C12orf42: variants seen among roughly 807,000 people sequenced by gnomAD.
C12orf42 encodes the protein uncharacterized protein C12orf42.
In C12orf42, 25 loss-of-function variants were observed where a neutral mutation model predicts 21.6. The observed-to-expected ratio is 1.16, with a 90% CI of 0.84 to 1.62. The LOEUF (loss-of-function observed/expected upper bound fraction) is 1.62, where lower values mean the gene tolerates loss of function less well. Among genes scored for constraint, C12orf42 ranks in the 40% most tolerant of loss-of-function variants. The pLI, the probability that C12orf42 is intolerant of heterozygous loss-of-function variation, is 0.00. For missense variants in C12orf42, 483 were observed against 459.3 expected (o/e 1.05, Z -0.47); for synonymous variants, 174 against 175.0 (o/e 0.99, Z 0.05).
chr12:103,215,483 A>G, the C12orf42 span, among the ~76,000 whole-genome samples: 1 of 152,180 alleles, frequency 6.6e-6, no homozygotes, highest in African/African-American at 2.4e-5. Flanking sequence ...CAGAGAAGGA[A>G]TGAGTAACCT....
chr12:103,067,181 C>T, the C12orf42 span, among the ~76,000 whole-genome samples: 89 of 152,318 alleles, frequency 5.8e-4, 1 homozygote, highest in Non-Finnish European at 2.1e-4. Flanking sequence ...TTTGTCCTCA[C>T]TGGAATAGAC....
chr12:103,333,049 T>TA (rs903799870), intron 4 of C12orf42, among the ~76,000 whole-genome samples: 10 of 151,952 alleles, frequency 6.6e-5, no homozygotes, highest in East Asian at 3.9e-4. Flanking sequence ...ATCAGGCCTT[T>TA]AAAAAAAATG....
chr12:103,541,091 A>G, the C12orf42 span, among the ~76,000 whole-genome samples: 4 of 152,142 alleles, frequency 2.6e-5, no homozygotes, highest in East Asian at 7.7e-4. Context: ...TTTAGTAGAG[A>G]TGGAGTTTCA....
At chr12:103,121,549 A>G in the C12orf42 span, among the ~76,000 whole-genome samples, 1 of 152,248 alleles carries the variant, frequency 6.6e-6, no homozygotes, top group Non-Finnish European at 1.5e-5. Flanking sequence ...GACAGCATGC[A>G]GAGAAGAGAG....
chr12:103,385,109 C>A (rs369204180), intron 3 of C12orf42, among the ~76,000 whole-genome samples: 1 of 152,126 alleles, frequency 6.6e-6, no homozygotes, highest in Non-Finnish European at 1.5e-5. Flanking sequence ...AACCCAGAGA[C>A]GGTTTGAAAC....
chr12:103,503,966 C>G, the C12orf42 span: 6 of 154,794 alleles, frequency 3.9e-5, no homozygotes, highest in Admixed American at 2.6e-4. Flanking sequence ...TGCGCCCTAT[C>G]TACACCTACA....
the C12orf42 span, among the ~76,000 whole-genome samples, chr12:103,203,724 C>T: frequency 6.0e-4 from 91 of 152,176 alleles, 1 homozygote; most frequent in East Asian, 0.014. Flanking sequence ...CTAAATAGTA[C>T]CAAGTATCTA....
intron 4 of C12orf42, among the ~76,000 whole-genome samples, chr12:103,279,910 T>C (rs2036000782): frequency 6.6e-6 from 1 of 152,238 alleles, no homozygotes; most frequent in African/African-American, 2.4e-5. Context: ...GCTAATAACA[T>C]GGGAACTAAG....
At chr12:103,382,399 G>A (rs1215371946) in intron 3 of C12orf42, among the ~76,000 whole-genome samples, 1 of 152,240 alleles carries the variant, frequency 6.6e-6, no homozygotes, top group African/African-American at 2.4e-5. Flanking sequence ...TAAGGCAATA[G>A]TAGCAGAAGA....
At chr12:103,373,928 A>T (rs547629829) in intron 3 of C12orf42, among the ~76,000 whole-genome samples, 1 of 152,360 alleles carries the variant, frequency 6.6e-6, no homozygotes, top group East Asian at 1.9e-4. Flanking sequence ...ATGGAGCATT[A>T]TCAATTTGAT....
At chr12:103,136,898 A>G in the C12orf42 span, among the ~76,000 whole-genome samples, 1 of 152,208 alleles carries the variant, frequency 6.6e-6, no homozygotes, top group Non-Finnish European at 1.5e-5. Flanking sequence ...TAGATTAAAG[A>G]CTTAATTGTA....
the C12orf42 span, among the ~76,000 whole-genome samples, chr12:103,113,555 T>C: frequency 6.6e-6 from 1 of 152,166 alleles, no homozygotes; most frequent in Non-Finnish European, 1.5e-5. Flanking sequence ...TGGAGACATT[T>C]TGGGTTGTTA....
chr12:103,429,075 C>T (rs1566309563), intron 2 of C12orf42, among the ~76,000 whole-genome samples: 1 of 152,206 alleles, frequency 6.6e-6, no homozygotes, highest in Non-Finnish European at 1.5e-5. Flanking sequence ...AGGATGCCTT[C>T]TCTCACCATT....
At chr12:103,245,412 T>C (rs556089313) in intron 10 of C12orf42, among the ~76,000 whole-genome samples, 7 of 152,114 alleles carry the variant, frequency 4.6e-5, no homozygotes, top group South Asian at 4.1e-4. Flanking sequence ...ATTCCACTTA[T>C]GTTGAACACT....
At chr12:103,335,368 G>C (rs1192264088) in intron 4 of C12orf42, among the ~76,000 whole-genome samples, 1 of 152,214 alleles carries the variant, frequency 6.6e-6, no homozygotes, top group Non-Finnish European at 1.5e-5. Flanking sequence ...AAAGATTTAA[G>C]AACCCAGTTA....
At chr12:103,173,067 G>T in the C12orf42 span, among the ~76,000 whole-genome samples, 4 of 152,208 alleles carry the variant, frequency 2.6e-5, no homozygotes, top group African/African-American at 9.6e-5. Context: ...TTAGAGATAA[G>T]CCAGTCCAGG....
intron 2 of C12orf42, chr12:103,431,140 T>C (rs865827839): frequency 6.6e-6 from 1 of 152,066 alleles, no homozygotes; most frequent in East Asian, 1.9e-4. Flanking sequence ...ATAATACTAG[T>C]TGACATTTAT....
the C12orf42 span, among the ~76,000 whole-genome samples, chr12:103,092,628 C>T: frequency 6.6e-6 from 1 of 152,112 alleles, no homozygotes. Flanking sequence ...CTGCCTTCCC[C>T]ACACTCATCA....
chr12:103,187,384 T>C, the C12orf42 span, among the ~76,000 whole-genome samples: 3 of 152,218 alleles, frequency 2.0e-5, no homozygotes, highest in African/African-American at 4.8e-5. Flanking sequence ...TTAATGCAGA[T>C]AGGATTCAAA....
Sources: allele counts gnomAD v4.1 joint callset (sites outside exome capture counted in the v4.1 genomes callset), GRCh38; gene constraint gnomAD v4.1.1; transcripts MANE v1.5; gene names NCBI Gene and HGNC (gene_info 2026-07-23, HGNC 2026-07-21).